TCEA1: variants seen among roughly 807,000 people sequenced by gnomAD.
TCEA1 encodes the protein transcription elongation factor A1.
A neutral mutation model predicts 43.8 loss-of-function variants in TCEA1; 21 were observed. The ratio of observed to expected loss-of-function variants is 0.48; its 90% CI spans 0.34 to 0.69. The LOEUF (loss-of-function observed/expected upper bound fraction) is 0.69, where lower values mean the gene tolerates loss of function less well. TCEA1 is among the 30% of genes least tolerant of loss of function. The probability of loss-of-function intolerance (pLI) is 0.01; values close to 1 mark genes in which losing one functional copy is unlikely to be tolerated. For synonymous variants in TCEA1, 104 were observed against 117.5 expected, an observed-to-expected ratio of 0.88 and a Z score of 0.75; for missense variants, 250 against 365.1, an observed-to-expected ratio of 0.68 and a Z score of 2.57.
At chr8:53,988,281 C>A (rs1296304522) in intron 4 of TCEA1, 22 bp from the exon 5 acceptor site, 3 of 1,602,260 alleles carry the variant, frequency 1.9e-6, no homozygotes, top group African/African-American at 2.7e-5. Flanking sequence ...ACAAACACCC[C>A]AAAAAGAAAT....
At chr8:54,001,439 T>C (rs970046458) in intron 2 of TCEA1, among the ~76,000 whole-genome samples, 2 of 152,154 alleles carry the variant, frequency 1.3e-5, no homozygotes, top group Non-Finnish European at 2.9e-5. Flanking sequence ...GTGTCCTATA[T>C]CTCTTAGAAA....
intron 3 of TCEA1, 142 bp downstream of exon 3, chr8:53,999,803 C>G: frequency 1.6e-6 from 1 of 622,012 alleles, no homozygotes; most frequent in East Asian, 2.9e-5. Context: ...ACTCCCCTCG[C>G]CTTTATTACG....
In TCEA1 at chr8:54,007,282, T is replaced by C. The variant is rs115361830; in HGVS notation, c.126+3148A>G. On this transcript the variant is annotated intron_variant, in intron 2 of 9. Coordinates refer to ENST00000521604, the MANE Select transcript of TCEA1 (RefSeq NM_006756.4). ...TATGAAGCAAACCAATTATATAATA[T>C]AAAATTACAAAATATTTTTAAATGT... 4.1e-3 allele frequency among the ~76,000 whole-genome samples: 622 copies of C among 152,314 alleles called. 4 individuals carry two copies. The highest frequency in any genetic ancestry group is 0.014 in the African/African-American group (592 of 41,574).
chr8:53,972,134 T>C, intron 8 of TCEA1: 1 of 293,392 alleles, frequency 3.4e-6, no homozygotes, highest in Non-Finnish European at 6.7e-6. Flanking sequence ...TAACGGCAAG[T>C]GGCAGTGATG....
intron 6 of TCEA1, among the ~76,000 whole-genome samples, chr8:53,984,882 A>C (rs1803639660): frequency 6.9e-6 from 1 of 145,636 alleles, no homozygotes; most frequent in Non-Finnish European, 1.5e-5. Flanking sequence ...ACTCCATCTT[A>C]AAAAAAAAAA....
chr8:54,005,636 C>T (rs1804414074), intron 2 of TCEA1, among the ~76,000 whole-genome samples: 1 of 152,144 alleles, frequency 6.6e-6, no homozygotes, highest in Admixed American at 6.6e-5. Context: ...ACTCCTTCAC[C>T]TCCATCCAAA....
chr8:54,011,284 A>G (rs1275218085), intron 1 of TCEA1, among the ~76,000 whole-genome samples: 3 of 152,224 alleles, frequency 2.0e-5, no homozygotes, highest in South Asian at 2.1e-4. Flanking sequence ...TTACCCCACA[A>G]AGAGCTGTTT....
At position 53,999,933 on chromosome 8, in the gene TCEA1, G is replaced by T; in HGVS notation, c.232+12C>A. On this transcript the variant is annotated intron_variant, in intron 3 of 9. Transcript: ENST00000521604. Reference sequence around the variant, plus strand: ...AACATCATAAATATATGTAAGGGAAGATCAATGATACCTAATAATTTTTTC... The same window carrying T: ...AACATCATAAATATATGTAAGGGAATATCAATGATACCTAATAATTTTTTC... The T allele has an allele frequency of 6.8e-7, 1 of 1,476,390 alleles. No homozygotes were observed. Among genetic ancestry groups the T allele is most frequent in the East Asian group, 2.3e-5 (1 of 43,644 alleles). The allele number at this position is 1,476,390 out of a possible 1,614,324, so 91.5% of individuals were successfully genotyped here.
intron 9 of TCEA1, among the ~76,000 whole-genome samples, chr8:53,969,836 T>C (rs1053559140): frequency 2.0e-5 from 3 of 152,214 alleles, no homozygotes; most frequent in Non-Finnish European, 4.4e-5. Context: ...TTTATGCTTT[T>C]GTTTCACAAA....
At chr8:53,981,476 ACT>A (rs1484933146) in intron 7 of TCEA1, among the ~76,000 whole-genome samples, 2 of 152,118 alleles carry the variant, frequency 1.3e-5, no homozygotes, top group Non-Finnish European at 2.9e-5. Flanking sequence ...TGCTACCTCT[ACT>A]CTGTCTGTGT....
In TCEA1 at chr8:54,006,272, G is replaced by A. The variant is rs1418910355; in HGVS notation, c.126+4158C>T. Among the ~76,000 whole-genome samples, 3 of 152,176 alleles carry A rather than the reference G, an allele frequency of 2.0e-5. No homozygotes were observed. In the East Asian group the frequency reaches 5.8e-4, roughly 29 times the overall value. On this transcript the variant is annotated intron_variant, in intron 2 of 9. Coordinates refer to ENST00000521604, the MANE Select transcript of TCEA1 (RefSeq NM_006756.4). The stretch of plus-strand genomic sequence containing the variant: ...AATTTAAGTTCAATGAGGAGGGAAA[G>A]GCCTTATCTTATTCATCTTTATAAA...
At chr8:54,007,260 G>A (rs1804497515) in intron 2 of TCEA1, among the ~76,000 whole-genome samples, 1 of 152,152 alleles carries the variant, frequency 6.6e-6, no homozygotes, top group South Asian at 2.1e-4. Flanking sequence ...ATAGGATTAT[G>A]AAGCAAACCA....
chr8:54,017,795 T>C (rs1431993880), intron 1 of TCEA1, among the ~76,000 whole-genome samples: 1 of 152,092 alleles, frequency 6.6e-6, no homozygotes, highest in African/African-American at 2.4e-5. Context: ...TGGCACGCAC[T>C]TGTAGTCCCA....
chr8:54,002,237 C>T (rs893027572), intron 2 of TCEA1, among the ~76,000 whole-genome samples: 4 of 151,064 alleles, frequency 2.6e-5, no homozygotes, highest in East Asian at 3.9e-4. Context: ...TCTGGGAGGC[C>T]GAGGTGGGTG....
At chr8:54,005,373 C>A (rs1324422586) in intron 2 of TCEA1, among the ~76,000 whole-genome samples, 1 of 152,172 alleles carries the variant, frequency 6.6e-6, no homozygotes, top group Non-Finnish European at 1.5e-5. Context: ...TCCATCACTG[C>A]AAAGTCATAC....
intron 1 of TCEA1, among the ~76,000 whole-genome samples, chr8:54,018,951 A>T (rs537174089): frequency 6.6e-6 from 1 of 152,214 alleles, no homozygotes; most frequent in Non-Finnish European, 1.5e-5. Flanking sequence ...TTAGATTCAC[A>T]TCTTCACTTG....
intron 3 of TCEA1, among the ~76,000 whole-genome samples, chr8:53,994,114 G>A (rs886384539): frequency 2.0e-5 from 3 of 152,236 alleles, no homozygotes; most frequent in African/African-American, 4.8e-5. Context: ...CAGTTTGGGA[G>A]GCTGTGGATC....
intron 7 of TCEA1, among the ~76,000 whole-genome samples, chr8:53,983,230 T>C (rs1585999436): frequency 6.6e-6 from 1 of 152,318 alleles, no homozygotes; most frequent in Admixed American, 6.5e-5. Flanking sequence ...GTACATTTAG[T>C]AGATTATAGT....
In TCEA1 at chr8:53,972,664, C is replaced by T. The variant is rs1163304424; in HGVS notation, c.826-2201G>A. The T allele has an allele frequency of 4.8e-6, 3 of 622,988 alleles. No individual in the cohort carries two copies. The East Asian group carries it at 1.0e-4, about 21-fold the overall frequency. The allele number at this position is 622,988 out of a possible 1,614,324, so 38.6% of individuals were successfully genotyped here. On this transcript the variant is annotated intron_variant, in intron 8 of 9. Coordinates refer to ENST00000521604, the MANE Select transcript of TCEA1 (RefSeq NM_006756.4). Reference sequence around the variant, plus strand: ...GTGAAGGAAGAGCAAGTTTGAGGATCAGTAGAGCTATTAAGTGTTCCTGAA... The same window carrying T: ...GTGAAGGAAGAGCAAGTTTGAGGATTAGTAGAGCTATTAAGTGTTCCTGAA...
Sources: gnomAD v4.1 joint callset for allele counts (sites outside exome capture counted in the v4.1 genomes callset) on GRCh38, gnomAD v4.1.1 for gene constraint, MANE v1.5 for transcripts, NCBI Gene and HGNC (gene_info 2026-07-23, HGNC 2026-07-21) for gene names.